Variants in GLIS1 observed in about 807,000 individuals in gnomAD.
GLIS1 encodes the protein GLIS family zinc finger 1.
In GLIS1, 24 loss-of-function variants were observed where a neutral mutation model predicts 63.8. The observed-to-expected ratio is 0.38, with a 90% CI of 0.27 to 0.53. The LOEUF is 0.53. GLIS1 is among the 20% of genes least tolerant of loss of function. The pLI, the probability that GLIS1 is intolerant of heterozygous loss-of-function variation, is 0.85. For missense variants in GLIS1, 1,036 were observed against 1,074.1 expected, an observed-to-expected ratio of 0.96 and a Z score of 0.50; for synonymous variants, 450 against 482.5, an observed-to-expected ratio of 0.93 and a Z score of 0.88.
intron 4 of GLIS1, among the ~76,000 whole-genome samples, chr1:53,543,753 G>C (rs1453668756): frequency 1.3e-5 from 2 of 151,978 alleles, no homozygotes; most frequent in Non-Finnish European, 2.9e-5. Flanking sequence ...GGGTGTGGGG[G>C]AGGTGACCCA....
At chr1:53,693,663 C>T (rs1646432308) in intron 2 of GLIS1, among the ~76,000 whole-genome samples, 1 of 151,810 alleles carries the variant, frequency 6.6e-6, no homozygotes, top group African/African-American at 2.4e-5. Flanking sequence ...GCCTCGGGGT[C>T]GCCAAGGGTG....
chr1:53,537,716 TCTAA>T (rs1569780112), intron 4 of GLIS1, among the ~76,000 whole-genome samples: 3 of 152,106 alleles, frequency 2.0e-5, no homozygotes, highest in Non-Finnish European at 4.4e-5. Context: ...TTTCTCATGC[TCTAA>T]CTAAGAATCT....
chr1:53,727,408 T>C (rs1490142031), intron 2 of GLIS1, among the ~76,000 whole-genome samples: 2 of 152,132 alleles, frequency 1.3e-5, no homozygotes, highest in Non-Finnish European at 2.9e-5. Context: ...ATCCTCTGGC[T>C]CCCAGCTCTC....
chr1:53,703,067 C>T (rs1283502897), intron 2 of GLIS1, among the ~76,000 whole-genome samples: 1 of 152,232 alleles, frequency 6.6e-6, no homozygotes, highest in Admixed American at 6.5e-5. Flanking sequence ...GTGGCTTCAG[C>T]TCCTTGAGCC....
chr1:53,730,069 G>A (rs929013941), intron 2 of GLIS1, among the ~76,000 whole-genome samples: 33 of 152,034 alleles, frequency 2.2e-4, no homozygotes, highest in African/African-American at 8.0e-4. Context: ...CTTGAGGGTT[G>A]GACTTGAGAC....
chr1:53,577,242 C>T (rs893035616), intron 4 of GLIS1, among the ~76,000 whole-genome samples: 1 of 152,036 alleles, frequency 6.6e-6, no homozygotes, highest in Non-Finnish European at 1.5e-5. Flanking sequence ...TGGCTGACAC[C>T]TCCCTATTCA....
At chr1:53,600,926 A>T (rs17382220) in intron 2 of GLIS1, among the ~76,000 whole-genome samples, 13,283 of 152,270 alleles carry the variant, frequency 0.087, 773 homozygotes, top group South Asian at 0.17. Context: ...GTTTCTAGGA[A>T]GATTAGCTGA....
chr1:53,696,749 C>A (rs1646469194), intron 2 of GLIS1, among the ~76,000 whole-genome samples: 2 of 152,224 alleles, frequency 1.3e-5, no homozygotes, highest in South Asian at 4.1e-4. Flanking sequence ...TTTGCCCATG[C>A]CGCCTGGAAC....
At chr1:53,515,799 A>T (rs1319406308) in intron 7 of GLIS1, among the ~76,000 whole-genome samples, 4 of 121,748 alleles carry the variant, frequency 3.3e-5, no homozygotes, top group Admixed American at 1.9e-4. Flanking sequence ...TAAGTTTTTG[A>T]TGTTCCCTAT....
At chr1:53,525,505 C>A (rs1198854317) in intron 5 of GLIS1, among the ~76,000 whole-genome samples, 1 of 25,122 alleles carries the variant, frequency 4.0e-5, no homozygotes, top group Non-Finnish European at 9.7e-5. Context: ...GGGGGCTGTG[C>A]CCTGTGCATG....
At chr1:53,537,476 G>A (rs898847175) in intron 4 of GLIS1, among the ~76,000 whole-genome samples, 2 of 152,228 alleles carry the variant, frequency 1.3e-5, no homozygotes, top group Non-Finnish European at 2.9e-5. Flanking sequence ...ATCAAGTCAC[G>A]CAAACAGAGG....
At chr1:53,585,877 C>G (rs1302402877) in intron 4 of GLIS1, among the ~76,000 whole-genome samples, 1 of 152,210 alleles carries the variant, frequency 6.6e-6, no homozygotes, top group Non-Finnish European at 1.5e-5. Context: ...CCTCCACCCC[C>G]TACAGAAACT....
rs1346215999 is a variant in GLIS1 at position 53,571,957 on chromosome 1, A to G, written c.1320+22151T>C. On this transcript the variant is annotated intron_variant, in intron 4 of 10. Transcript: ENST00000628545. ...TGAGACTATTTTTATAAAGCTTTAA[A>G]CCAAGCAAAACCAAACAATATATTG... is the stretch of plus-strand genomic sequence containing the variant. Among the ~76,000 whole-genome samples the G allele has an allele frequency of 2.0e-5, 3 of 152,222 alleles. No homozygotes were observed. In the East Asian group the frequency reaches 5.8e-4, roughly 29 times the overall value.
intron 2 of GLIS1, among the ~76,000 whole-genome samples, chr1:53,727,473 C>T (rs1646816923): frequency 6.6e-6 from 1 of 152,208 alleles, no homozygotes; most frequent in South Asian, 2.1e-4. Context: ...CTGGGTGAGA[C>T]GTGTAGCAAC....
At chr1:53,700,350 G>A (rs1646510342) in intron 2 of GLIS1, among the ~76,000 whole-genome samples, 3 of 152,172 alleles carry the variant, frequency 2.0e-5, no homozygotes, top group Admixed American at 2.0e-4. Context: ...TAGAGGAAGG[G>A]GCAGGAATGG....
chr1:53,545,201 A>G (rs557340919), intron 4 of GLIS1, among the ~76,000 whole-genome samples: 4 of 152,292 alleles, frequency 2.6e-5, no homozygotes, highest in African/African-American at 9.6e-5. Flanking sequence ...CACCCCTCCC[A>G]GGGCTGTGGA....
At chr1:53,589,653 G>A (rs1645169206) in intron 4 of GLIS1, among the ~76,000 whole-genome samples, 1 of 152,186 alleles carries the variant, frequency 6.6e-6, no homozygotes, top group African/African-American at 2.4e-5. Flanking sequence ...AGTGGAGAGG[G>A]GCGTAAGGAA....
intron 5 of GLIS1, among the ~76,000 whole-genome samples, chr1:53,525,329 G>A (rs1448539741): frequency 4.0e-5 from 6 of 150,750 alleles, no homozygotes; most frequent in African/African-American, 1.5e-4. Flanking sequence ...GGCCAGGCTA[G>A]GCGGCACTGA....
At chr1:53,543,878 A>G (rs1644670289) in intron 4 of GLIS1, among the ~76,000 whole-genome samples, 1 of 151,928 alleles carries the variant, frequency 6.6e-6, no homozygotes, top group Non-Finnish European at 1.5e-5. Flanking sequence ...CAAGGGAGAA[A>G]CACCCCGTGG....
Sources: allele counts gnomAD v4.1 joint callset (sites outside exome capture counted in the v4.1 genomes callset), GRCh38; gene constraint gnomAD v4.1.1; transcripts MANE v1.5; gene names NCBI Gene and HGNC (gene_info 2026-07-23, HGNC 2026-07-21).